CXCL8: variants seen among roughly 807,000 people sequenced by gnomAD.
CXCL8 encodes the protein C-X-C motif chemokine ligand 8, also known as interleukin-8.
In CXCL8, 12 loss-of-function variants were observed where a neutral mutation model predicts 10.9. The observed-to-expected ratio is 1.10, with a 90% confidence interval of 0.71 to 1.79. The LOEUF is 1.79. Ranked by LOEUF, CXCL8 falls within the 40% of genes most tolerant of loss-of-function variation. The probability of loss-of-function intolerance (pLI) is 0.00; values close to 1 mark genes in which losing one functional copy is unlikely to be tolerated. For missense variants in CXCL8, 145 were observed against 113.4 expected (o/e 1.28, Z -1.26); for synonymous variants, 41 against 39.6 (o/e 1.03, Z -0.13).
In CXCL8 at chr4:73,740,631, G is replaced by T; in HGVS notation, c.-28G>T. 1 of 1,608,104 alleles carries T rather than the reference G, an allele frequency of 6.2e-7. No homozygotes were observed. The highest frequency in any genetic ancestry group is 8.5e-7 in the Non-Finnish European group (1 of 1,175,780). ...GGACAAGAGCCAGGAAGAAACCACC[G>T]GAAGGAACCATCTCACTGTGTGTAA... On this transcript the variant is annotated 5_prime_UTR_variant, in exon 1 of 4. Transcript: ENST00000307407.
At position 73,741,616 on chromosome 4, in the gene CXCL8, A is replaced by C. The variant is rs1193532058; in HGVS notation, c.139A>C (p.Lys47Gln). The C allele has an allele frequency of 6.2e-7, 1 of 1,613,628 alleles. No homozygotes were observed. Among genetic ancestry groups the C allele is most frequent in the East Asian group, 2.2e-5 (1 of 44,862 alleles). Residue 47 changes from lysine (K) to glutamine (Q), a missense_variant, in exon 2 of 4, where the codon AAA becomes CAA. By Grantham distance (53) the Lys-to-Gln change is moderately conservative (BLOSUM62 1). Coordinates refer to ENST00000307407, the MANE Select transcript of CXCL8 (RefSeq NM_000584.4). ...GACATACTCCAAACCTTTCCACCCC[A>C]AATTTATCAAAGAACTGAGAGTGAT... ...IKTYSKPFHP[K>Q]FIKELRVIES...
At chr4:73,742,330 A>T (rs1037655202) in intron 3 of CXCL8, 119 bp from the exon 4 acceptor site, 7 of 595,208 alleles carry the variant, frequency 1.2e-5, no homozygotes, top group African/African-American at 9.6e-5. Context: ...CCCTATTTAT[A>T]GTTGAGAATA....
chr4:73,743,086 A>G lies in CXCL8; in HGVS notation c.*622A>G. ...TTTAAGTTTTTTCATCATAACATAA[A>G]TTATTTTCAAGTGTAACTTATTAAC... On this transcript the variant is annotated 3_prime_UTR_variant, in exon 4 of 4. Transcript: ENST00000307407. 4.4e-6 allele frequency: 1 copy of G among 228,508 alleles called. No individual in the cohort carries two copies. Among genetic ancestry groups the G allele is most frequent in the East Asian group, 6.3e-5 (1 of 15,830 alleles). 14.2% of individuals were successfully genotyped at this position (228,508 alleles called of 1,614,324 possible).
rs2149423175 is a variant in CXCL8, at chr4:73,741,981, T to G, written c.233T>G (p.Leu78Arg). 1 of 1,611,698 alleles carries G rather than the reference T, an allele frequency of 6.2e-7. No homozygotes were observed. The highest frequency in any genetic ancestry group is 1.3e-5 in the African/African-American group (1 of 74,956). Residue 78 changes from leucine to arginine, a missense_variant, in exon 3 of 4, where the codon CTG becomes CGG. Coordinates refer to ENST00000307407, the MANE Select transcript of CXCL8 (RefSeq NM_000584.4). ...CTTTCTGATGGAAGAGAGCTCTGTC[T>G]GGACCCCAAGGAAAACTGGGTGCAG... Reference protein sequence around the residue: ...VKLSDGRELCLDPKENWVQRV... With the variant: ...VKLSDGRELCRDPKENWVQRV...
In CXCL8 at chr4:73,742,510, T is replaced by C. The variant is rs774968097; in HGVS notation, c.*46T>C. The C allele has an allele frequency of 9.1e-6, 12 of 1,317,388 alleles. No homozygotes were observed. The highest frequency in any genetic ancestry group is 1.3e-5 in the Non-Finnish European group (12 of 934,098). 81.6% of individuals were successfully genotyped at this position (1,317,388 alleles called of 1,614,324 possible). ...ATCCAAGAATCAGTGAAGATGCCAG[T>C]GAAACTTCAAGCAAATCTACTTCAA... On this transcript the variant is annotated 3_prime_UTR_variant, in exon 4 of 4. Coordinates refer to ENST00000307407, the MANE Select transcript of CXCL8 (RefSeq NM_000584.4).
intron 1 of CXCL8, 126 bp from the exon 2 acceptor site, chr4:73,741,416 T>A (rs918190018): frequency 1.1e-5 from 9 of 839,288 alleles, no homozygotes; most frequent in Non-Finnish European, 1.3e-5. Flanking sequence ...TATTCAGGAA[T>A]GAGTTCACTA....
rs1052498928 is a variant in CXCL8 at position 73,743,139 on chromosome 4, G to A, written c.*675G>A. 8.9e-6 allele frequency: 2 copies of A among 225,840 alleles called. No homozygotes were observed. The highest frequency in any genetic ancestry group is 1.8e-4 in the South Asian group (1 of 5,460). 14.0% of individuals were successfully genotyped at this position (225,840 alleles called of 1,614,324 possible). ...ATTTATTATTTATGTATTTATTTAA[G>A]CATCAAATATTTGTGCAAGAATTTG... On this transcript the variant is annotated 3_prime_UTR_variant, in exon 4 of 4. Coordinates refer to ENST00000307407, the MANE Select transcript of CXCL8 (RefSeq NM_000584.4).
In CXCL8 at chr4:73,743,060, C is replaced by G. The variant is rs1460089087; in HGVS notation, c.*596C>G. 2 of 229,312 alleles carry G rather than the reference C, an allele frequency of 8.7e-6. No individual in the cohort carries two copies. Among genetic ancestry groups the G allele is most frequent in the Admixed American group, 1.1e-4 (2 of 17,636 alleles). 14.2% of individuals were successfully genotyped at this position (229,312 alleles called of 1,614,324 possible). On this transcript the variant is annotated 3_prime_UTR_variant, in exon 4 of 4. Coordinates refer to ENST00000307407, the MANE Select transcript of CXCL8 (RefSeq NM_000584.4). ...GATGTTGTGAGGACATGTGGAAGCA[C>G]TTTAAGTTTTTTCATCATAACATAA...
At chr4:73,740,780 A>T in intron 1 of CXCL8, 58 bp downstream of exon 1, 1 of 1,381,226 alleles carries the variant, frequency 7.2e-7, no homozygotes, top group Non-Finnish European at 1.0e-6. Flanking sequence ...ATCCTTAGAT[A>T]GCAAAGCTAT....
At position 73,741,997 on chromosome 4, in the gene CXCL8, C is replaced by T; in HGVS notation, c.249C>T (p.Asn83=). ...GRELCLDPKE[N]WVQRVVEKFL... The stretch of plus-strand genomic sequence containing the variant: ...AGCTCTGTCTGGACCCCAAGGAAAA[C>T]TGGGTGCAGAGGGTTGTGGAGAAGT... The change falls in exon 3 of 4, where the codon AAC becomes AAT. Residue 83 remains asparagine (N), a synonymous_variant. Transcript: ENST00000307407. 1 of 1,611,236 alleles carries T rather than the reference C, an allele frequency of 6.2e-7. No homozygotes were observed. Among genetic ancestry groups the T allele is most frequent in the Non-Finnish European group, 8.5e-7 (1 of 1,177,908 alleles).
At position 73,740,637 on chromosome 4, in the gene CXCL8, A is replaced by AC. The variant is rs1729143903; in HGVS notation, c.-22_-21insC. 9 of 1,610,602 alleles carry AC rather than the reference A, an allele frequency of 5.6e-6. No homozygotes were observed. Among genetic ancestry groups the AC allele is most frequent in the Non-Finnish European group, 7.6e-6 (9 of 1,177,668 alleles). On this transcript the variant is annotated 5_prime_UTR_variant, in exon 1 of 4. Transcript: ENST00000307407. ...GAGCCAGGAAGAAACCACCGGAAGG[A>AC]ACCATCTCACTGTGTGTAAACATGA...
intron 2 of CXCL8, 78 bp downstream of exon 2, chr4:73,741,755 T>A: frequency 1.5e-6 from 2 of 1,378,104 alleles, no homozygotes; most frequent in Non-Finnish European, 2.0e-6. Context: ...TTAGGAAAGT[T>A]CCAGGTGTTA....
In CXCL8 at chr4:73,740,723, G is replaced by A; in HGVS notation, c.64+1G>A. ...CTGATTTCTGCAGCTCTGTGTGAAG[G>A]TAAGCACATCTTTCTGACCTACAGC... is the stretch of plus-strand genomic sequence containing the variant. On this transcript the variant is annotated splice_donor_variant, in intron 1 of 3. Coordinates refer to ENST00000307407, the MANE Select transcript of CXCL8 (RefSeq NM_000584.4). LOFTEE classifies it high-confidence loss of function. The A allele has an allele frequency of 1.9e-6, 3 of 1,612,500 alleles. No homozygotes were observed. The highest frequency in any genetic ancestry group is 1.7e-6 in the Non-Finnish European group (2 of 1,179,062).
chr4:73,743,473 C>CT lies in CXCL8; in HGVS notation c.*1010dup, dbSNP rs1729236289. 1 of 203,046 alleles carries CT rather than the reference C, an allele frequency of 4.9e-6. No homozygotes were observed. The highest frequency in any genetic ancestry group is 1.0e-5 in the Non-Finnish European group (1 of 99,108). 12.6% of individuals were successfully genotyped at this position (203,046 alleles called of 1,614,324 possible). A position where few individuals can be genotyped will look rare whatever the true frequency, so the allele number is the denominator to read the frequency against. On this transcript the variant is annotated 3_prime_UTR_variant, in exon 4 of 4. Transcript: ENST00000307407. The stretch of plus-strand genomic sequence containing the variant: ...TGAATTACGGAATAATGAGTTAGAA[C>CT]TATTAAAACAGCCAAAACTCCACAG...
intron 2 of CXCL8, 118 bp downstream of exon 2, chr4:73,741,795 A>T (rs1729181585): frequency 9.1e-7 from 1 of 1,095,880 alleles, no homozygotes. Context: ...AACAAAACAA[A>T]ATAAAAATAT....
chr4:73,742,158 A>T (rs1729191952), intron 3 of CXCL8, 126 bp downstream of exon 3: 1 of 616,562 alleles, frequency 1.6e-6, no homozygotes, highest in Non-Finnish European at 2.8e-6. Flanking sequence ...GGTTAAAAAA[A>T]AAAGGAATAG....
chr4:73,741,283 A>G (rs557646269), intron 1 of CXCL8, among the ~76,000 whole-genome samples: 1 of 152,232 alleles, frequency 6.6e-6, no homozygotes, highest in Non-Finnish European at 1.5e-5. Context: ...AGATAAAAAT[A>G]CCATGAAGAT....
chr4:73,740,879 A>G (rs1420912695), intron 1 of CXCL8, among the ~76,000 whole-genome samples, 157 bp downstream of exon 1: 1 of 152,232 alleles, frequency 6.6e-6, no homozygotes, highest in African/African-American at 2.4e-5. Flanking sequence ...AGATTTAGAA[A>G]AAACTATATA....
rs1729238612 is a variant in CXCL8, at chr4:73,743,595, C to T, written c.*1131C>T. The T allele has an allele frequency of 5.0e-6, 1 of 200,760 alleles. No homozygotes were observed. The highest frequency in any genetic ancestry group is 2.3e-5 in the African/African-American group (1 of 43,688). The allele number at this position is 200,760 out of a possible 1,614,324, so 12.4% of individuals were successfully genotyped here. ...AATGACTGCATTTTTAAATACAAGGCTTTATATTTTTAACTTTAAGATGTT... is the reference window on the plus strand; with the variant it reads ...AATGACTGCATTTTTAAATACAAGGTTTTATATTTTTAACTTTAAGATGTT... On this transcript the variant is annotated 3_prime_UTR_variant, in exon 4 of 4. Transcript: ENST00000307407.
Sources: allele counts gnomAD v4.1 joint callset (sites outside exome capture counted in the v4.1 genomes callset), GRCh38; gene constraint gnomAD v4.1.1; transcripts MANE v1.5; gene names NCBI Gene and HGNC (gene_info 2026-07-23, HGNC 2026-07-21).